Variants in MACROD2 observed in about 807,000 individuals in gnomAD.
MACROD2 encodes mono-ADP ribosylhydrolase 2.
MACROD2 carries 36 observed loss-of-function variants against 70.4 expected under a neutral mutation model. That is an observed-to-expected ratio of 0.51 (90% CI 0.39 to 0.68). The LOEUF (loss-of-function observed/expected upper bound fraction) is 0.68. Ranked by LOEUF, MACROD2 falls within the 30% of genes least tolerant of loss-of-function variation. MACROD2 has a pLI of 0.00. For missense variants in MACROD2, 496 were observed against 538.4 expected, an observed-to-expected ratio of 0.92 and a Z score of 0.78; for synonymous variants, 172 against 178.8, an observed-to-expected ratio of 0.96 and a Z score of 0.30.
At position 15,250,466 on chromosome 20, in the gene MACROD2, A is replaced by G. The variant is rs143563627; in HGVS notation, c.540+20405A>G. On this transcript the variant is annotated intron_variant, in intron 6 of 17. Transcript: ENST00000684519. ...TGGGATTATGTCCATTTAGCTTATG[A>G]TAAATTAGCATGAGTGCCTAAGATG... Among the ~76,000 whole-genome samples, 51 of 152,328 alleles carry G rather than the reference A, an allele frequency of 3.3e-4. No homozygotes were observed. The East Asian group carries it at 8.5e-3, about 25-fold the overall frequency.
chr20:15,232,284 A>C (rs1260988691), intron 6 of MACROD2, among the ~76,000 whole-genome samples: 1 of 152,060 alleles, frequency 6.6e-6, no homozygotes, highest in African/African-American at 2.4e-5. Context: ...AACTTATCAC[A>C]ATAGATGGTA....
intron 5 of MACROD2, among the ~76,000 whole-genome samples, chr20:14,834,813 C>G (rs143326582): frequency 2.1e-4 from 32 of 151,992 alleles, no homozygotes; most frequent in African/African-American, 7.7e-4. Flanking sequence ...TTATTCCTCT[C>G]TTTTCATTGA....
At chr20:14,902,793 C>G (rs1338919422) in intron 5 of MACROD2, among the ~76,000 whole-genome samples, 1 of 152,010 alleles carries the variant, frequency 6.6e-6, no homozygotes, top group Non-Finnish European at 1.5e-5. Context: ...CTGGGAAGGA[C>G]TCAAGGAATG....
intron 4 of MACROD2, among the ~76,000 whole-genome samples, chr20:14,532,663 A>C (rs565928896): frequency 1.3e-5 from 2 of 152,262 alleles, no homozygotes; most frequent in Admixed American, 1.3e-4. Context: ...CTTGGTTAAG[A>C]GAGTGAATGT....
intron 8 of MACROD2, among the ~76,000 whole-genome samples, chr20:15,675,042 C>T (rs915231286): frequency 1.3e-5 from 2 of 152,152 alleles, no homozygotes; most frequent in Admixed American, 6.5e-5. Flanking sequence ...TTCTGCCCTG[C>T]TCTAGATATA....
In MACROD2 at chr20:15,945,595, C is replaced by A. The variant is rs553601504; in HGVS notation, c.907+8051C>A. On this transcript the variant is annotated intron_variant, in intron 12 of 17. Transcript: ENST00000684519. ...AATAGATGTTGCCAAATTGCTTTCC[C>A]AATAGGCTATAGCAATTCATATTTC... 1.8e-4 allele frequency among the ~76,000 whole-genome samples: 28 copies of A among 152,294 alleles called. No individual in the cohort carries two copies. In the South Asian group the frequency reaches 5.6e-3, roughly 30 times the overall value.
intron 5 of MACROD2, among the ~76,000 whole-genome samples, chr20:14,764,464 C>CT: frequency 6.6e-6 from 1 of 152,094 alleles, no homozygotes; most frequent in South Asian, 2.1e-4. Context: ...TTCCATGTGT[C>CT]TTTTTTTGGT....
At chr20:14,365,834 A>C (rs1271460837) in intron 3 of MACROD2, among the ~76,000 whole-genome samples, 1 of 152,074 alleles carries the variant, frequency 6.6e-6, no homozygotes, top group African/African-American at 2.4e-5. Flanking sequence ...GATATTTTCT[A>C]ATTTCCCTTG....
chr20:14,239,178 G>A (rs1285417925), intron 3 of MACROD2, among the ~76,000 whole-genome samples: 1 of 152,066 alleles, frequency 6.6e-6, no homozygotes, highest in African/African-American at 2.4e-5. Context: ...GAGGTTAAAG[G>A]TCTCTACAGT....
At position 15,541,341 on chromosome 20, in the gene MACROD2, A is replaced by C. The variant is rs76433110; in HGVS notation, c.645+41494A>C. Among the ~76,000 whole-genome samples, 282 of 152,288 alleles carry C rather than the reference A, an allele frequency of 1.9e-3. 3 individuals are homozygous for C. Among genetic ancestry groups the C allele is most frequent in the African/African-American group, 6.5e-3 (270 of 41,566 alleles). On this transcript the variant is annotated intron_variant, in intron 8 of 17. Coordinates refer to ENST00000684519, the MANE Select transcript of MACROD2 (RefSeq NM_001351661.2). The stretch of plus-strand genomic sequence containing the variant: ...AGTATTTAAATTATATTAGCAGAGG[A>C]ACAGAAATTTAGATATTGCCTGGAA...
intron 10 of MACROD2, among the ~76,000 whole-genome samples, chr20:15,911,031 G>A (rs1361125460): frequency 1.3e-5 from 2 of 152,116 alleles, no homozygotes; most frequent in African/African-American, 4.8e-5. Context: ...GGTATAAGTG[G>A]CATACTTCTT....
chr20:15,690,844 A>C (rs900032950), intron 8 of MACROD2, among the ~76,000 whole-genome samples: 2 of 152,164 alleles, frequency 1.3e-5, no homozygotes, highest in Non-Finnish European at 2.9e-5. Flanking sequence ...AACTCATCCT[A>C]GTATTACAGT....
At chr20:14,102,864 CTA>C (rs148538526) in intron 3 of MACROD2, among the ~76,000 whole-genome samples, 6,220 of 151,996 alleles carry the variant, frequency 0.041, 168 homozygotes, top group African/African-American at 0.08. Flanking sequence ...GAAGTGGACT[CTA>C]CACTGGTTAT....
rs186693216 is a variant in MACROD2, at chr20:14,760,574, C to G, written c.418+75615C>G. On this transcript the variant is annotated intron_variant, in intron 5 of 17. Coordinates refer to ENST00000684519, the MANE Select transcript of MACROD2 (RefSeq NM_001351661.2). ...AAACAAAATACAGAGTACTGTTTCC[C>G]CATCACTCTGCCCCAGCTCCATTTA... Among the ~76,000 whole-genome samples the G allele has an allele frequency of 6.2e-4, 95 of 152,154 alleles. 1 individual carries two copies. The highest frequency in any genetic ancestry group is 1.9e-4 in the Non-Finnish European group (13 of 68,010).
chr20:15,043,502 G>A (rs2075370561), intron 5 of MACROD2, among the ~76,000 whole-genome samples: 1 of 152,188 alleles, frequency 6.6e-6, no homozygotes, highest in African/African-American at 2.4e-5. Context: ...TTCTCTCTCT[G>A]GAGTTTGTCC....
At chr20:16,002,741 T>C (rs1010745873) in intron 15 of MACROD2, among the ~76,000 whole-genome samples, 1 of 152,156 alleles carries the variant, frequency 6.6e-6, no homozygotes, top group East Asian at 1.9e-4. Flanking sequence ...CCTCCAGAAC[T>C]GTAAGAAAAT....
chr20:14,174,172 G>A (rs2081245223), intron 3 of MACROD2, among the ~76,000 whole-genome samples: 1 of 152,066 alleles, frequency 6.6e-6, no homozygotes, highest in Non-Finnish European at 1.5e-5. Context: ...GCTTGCCCTA[G>A]GGTTGCCGTT....
chr20:15,442,858 C>T (rs2046514245), intron 7 of MACROD2, among the ~76,000 whole-genome samples: 1 of 152,146 alleles, frequency 6.6e-6, no homozygotes, highest in East Asian at 1.9e-4. Flanking sequence ...ATTTTGATAG[C>T]ATATACTTTA....
At chr20:15,989,222 T>C (rs910560183) in intron 15 of MACROD2, among the ~76,000 whole-genome samples, 10 of 152,194 alleles carry the variant, frequency 6.6e-5, no homozygotes, top group African/African-American at 2.4e-4. Context: ...CCCAAGTCCA[T>C]TTATCATTCT....
Sources: allele counts gnomAD v4.1 joint callset (sites outside exome capture counted in the v4.1 genomes callset), GRCh38; gene constraint gnomAD v4.1.1; transcripts MANE v1.5; gene names NCBI Gene and HGNC (gene_info 2026-07-23, HGNC 2026-07-21).